Variants in P3H2 observed in about 807,000 individuals in gnomAD.
The protein encoded by P3H2 is prolyl 3-hydroxylase 2.
A neutral mutation model predicts 87.0 loss-of-function variants in P3H2; 80 were observed. The ratio of observed to expected loss-of-function variants is 0.92; its 90% CI spans 0.77 to 1.11. The LOEUF (loss-of-function observed/expected upper bound fraction) is 1.11, where lower values mean the gene tolerates loss of function less well. Ranked by LOEUF, P3H2 falls within the 50% of genes least tolerant of loss-of-function variation. The pLI, the probability that P3H2 is intolerant of heterozygous loss-of-function variation, is 0.00. For synonymous variants in P3H2, 367 were observed against 359.3 expected, an observed-to-expected ratio of 1.02 and a Z score of -0.24; for missense variants, 1,001 against 923.9, an observed-to-expected ratio of 1.08 and a Z score of -1.08.
intron 1 of P3H2, among the ~76,000 whole-genome samples, chr3:190,048,218 G>A (rs1015952218): frequency 3.3e-5 from 5 of 152,108 alleles, no homozygotes; most frequent in South Asian, 2.1e-4. Flanking sequence ...GGTTTGAGCC[G>A]GGTGTGGTGG....
intron 1 of P3H2, among the ~76,000 whole-genome samples, chr3:190,091,595 T>C (rs908671293): frequency 2.0e-5 from 3 of 152,222 alleles, no homozygotes; most frequent in African/African-American, 7.2e-5. Flanking sequence ...TACCAATCAA[T>C]ATAAGTTTCA....
At chr3:190,034,513 G>C (rs1234948220) in intron 1 of P3H2, among the ~76,000 whole-genome samples, 1 of 152,166 alleles carries the variant, frequency 6.6e-6, no homozygotes, top group Non-Finnish European at 1.5e-5. Context: ...CCATAAAACA[G>C]AAAGAAGCCA....
chr3:190,000,305 C>T lies in P3H2; in HGVS notation c.481-4863G>A, dbSNP rs546637926. Among the ~76,000 whole-genome samples, 7 of 152,258 alleles carry T rather than the reference C, an allele frequency of 4.6e-5. No homozygotes were observed. In the South Asian group the frequency reaches 1.2e-3, roughly 27 times the overall value. On this transcript the variant is annotated intron_variant, in intron 1 of 14. Coordinates refer to ENST00000319332, the MANE Select transcript of P3H2 (RefSeq NM_018192.4). ...CATAGGTCCAATTCTCCAGTCATGC[C>T]CCAGTTCATTAGTTCACCCATTTAC...
intron 1 of P3H2, among the ~76,000 whole-genome samples, chr3:190,055,576 T>C (rs1443773726): frequency 6.6e-6 from 1 of 151,658 alleles, no homozygotes; most frequent in Non-Finnish European, 1.5e-5. Context: ...AAAAGTGAAG[T>C]ACTTAGAAAT....
chr3:190,015,861 T>TA (rs1158551661), intron 1 of P3H2, among the ~76,000 whole-genome samples: 3 of 152,184 alleles, frequency 2.0e-5, no homozygotes, highest in African/African-American at 7.2e-5. Context: ...GGACTGGAGA[T>TA]AAATGGTCCA....
intron 1 of P3H2, among the ~76,000 whole-genome samples, chr3:190,003,947 T>C (rs1000300641): frequency 7.9e-5 from 12 of 152,246 alleles, no homozygotes; most frequent in African/African-American, 2.4e-4. Flanking sequence ...CTGAAGGTAG[T>C]TGTCATTAAT....
intron 3 of P3H2, among the ~76,000 whole-genome samples, chr3:189,991,899 A>C (rs933621495): frequency 1.3e-5 from 2 of 152,196 alleles, no homozygotes; most frequent in Non-Finnish European, 2.9e-5. Context: ...GAAGAGCAAC[A>C]AGGAGGCAAT....
chr3:189,958,025 A>G (rs756654214), intron 14 of P3H2, 21 bp from the exon 15 acceptor site: 3 of 1,563,610 alleles, frequency 1.9e-6, no homozygotes, highest in Non-Finnish European at 2.6e-6. Context: ...GACAATTTAC[A>G]CATTTCTGTT....
intron 1 of P3H2, among the ~76,000 whole-genome samples, chr3:190,054,173 C>G (rs1444636438): frequency 6.6e-6 from 1 of 152,204 alleles, no homozygotes; most frequent in Admixed American, 6.5e-5. Context: ...CCTCCACCCC[C>G]ACCTATAGTT....
intron 1 of P3H2, among the ~76,000 whole-genome samples, chr3:190,029,979 G>A (rs1248587387): frequency 6.9e-6 from 1 of 145,116 alleles, no homozygotes; most frequent in Non-Finnish European, 1.5e-5. Context: ...TCCAGCCTGA[G>A]CAACAAGAGT....
At chr3:190,047,194 T>C (rs1725835470) in intron 1 of P3H2, among the ~76,000 whole-genome samples, 1 of 152,176 alleles carries the variant, frequency 6.6e-6, no homozygotes, top group Non-Finnish European at 1.5e-5. Context: ...CACAGTGAGA[T>C]ATCATCTCAC....
intron 1 of P3H2, among the ~76,000 whole-genome samples, chr3:190,079,385 T>C (rs915629307): frequency 7.0e-6 from 1 of 142,808 alleles, no homozygotes; most frequent in African/African-American, 2.6e-5. Flanking sequence ...AATAAATAAA[T>C]AATCCTTATC....
rs527912885 is a variant in P3H2, at chr3:190,001,892, A to G, written c.481-6450T>C. Among the ~76,000 whole-genome samples the G allele has an allele frequency of 3.3e-5, 5 of 152,348 alleles. No individual in the cohort carries two copies. The East Asian group carries it at 9.6e-4, about 29-fold the overall frequency. On this transcript the variant is annotated intron_variant, in intron 1 of 14. Transcript: ENST00000319332. Reference sequence around the variant, plus strand: ...CCAAATAAATAAATACATTTCTTACAATATGAATAATATATTAAAAGAATA... The same window carrying G: ...CCAAATAAATAAATACATTTCTTACGATATGAATAATATATTAAAAGAATA...
At chr3:190,063,860 G>A (rs1351787397) in intron 1 of P3H2, among the ~76,000 whole-genome samples, 1 of 152,070 alleles carries the variant, frequency 6.6e-6, no homozygotes, top group African/African-American at 2.4e-5. Context: ...TACTTTCTGC[G>A]AGAAATGAAT....
chr3:190,076,545 C>G (rs1330668857), intron 1 of P3H2, among the ~76,000 whole-genome samples: 1 of 152,140 alleles, frequency 6.6e-6, no homozygotes, highest in South Asian at 2.1e-4. Flanking sequence ...TCTTGTGATC[C>G]CAGCATCCAT....
At chr3:190,051,477 G>A (rs1241569081) in intron 1 of P3H2, among the ~76,000 whole-genome samples, 3 of 152,122 alleles carry the variant, frequency 2.0e-5, no homozygotes, top group South Asian at 2.1e-4. Flanking sequence ...TAAATCCTGG[G>A]CATTTAGTAG....
At chr3:190,071,437 T>C (rs908208580) in intron 1 of P3H2, among the ~76,000 whole-genome samples, 2 of 152,232 alleles carry the variant, frequency 1.3e-5, no homozygotes, top group Non-Finnish European at 2.9e-5. Context: ...TCAGCTTCCA[T>C]ACTAATTCTG....
At chr3:190,087,563 A>C (rs1459945294) in intron 1 of P3H2, among the ~76,000 whole-genome samples, 1 of 150,726 alleles carries the variant, frequency 6.6e-6, no homozygotes, top group African/African-American at 2.4e-5. Flanking sequence ...AAAAAAAAAA[A>C]CCATCAAGAA....
intron 2 of P3H2, 46 bp from the exon 3 acceptor site, chr3:189,994,329 C>CAAA: frequency 6.6e-7 from 1 of 1,509,692 alleles, no homozygotes; most frequent in African/African-American, 1.4e-5. Context: ...AACAAACAAA[C>CAAA]AAACAAAAAA....
Sources: gnomAD v4.1 joint callset for allele counts (sites outside exome capture counted in the v4.1 genomes callset) on GRCh38, gnomAD v4.1.1 for gene constraint, MANE v1.5 for transcripts, NCBI Gene and HGNC (gene_info 2026-07-23, HGNC 2026-07-21) for gene names.